The following PJVK variants were observed in gnomAD, a reference collection of about 807,000 sequenced individuals.
The protein encoded by PJVK is autosomal recessive deafness type 59 protein.
A neutral mutation model predicts 37.6 loss-of-function variants in PJVK; 33 were observed. The observed-to-expected ratio is 0.88, with a 90% CI of 0.67 to 1.17. The LOEUF is 1.17. Ranked by LOEUF, PJVK falls within the 50% of genes most tolerant of loss-of-function variation. The probability of loss-of-function intolerance (pLI) is 0.00; values close to 1 mark genes in which losing one functional copy is unlikely to be tolerated. For missense variants in PJVK, 410 were observed against 413.8 expected, an observed-to-expected ratio of 0.99 and a Z score of 0.08; for synonymous variants, 141 against 143.5, an observed-to-expected ratio of 0.98 and a Z score of 0.13.
intron 4 of PJVK, among the ~76,000 whole-genome samples, chr2:178,456,707 C>T (rs1307732182): frequency 6.6e-6 from 1 of 152,018 alleles, no homozygotes; most frequent in Non-Finnish European, 1.5e-5. Flanking sequence ...GTGGAGGTTG[C>T]AGTGAGCCGA....
intron 6 of PJVK, 119 bp downstream of exon 6, chr2:178,460,565 T>G: frequency 1.1e-6 from 1 of 948,470 alleles, no homozygotes; most frequent in Non-Finnish European, 1.6e-6. Flanking sequence ...AAAGCCTGGC[T>G]GGTATGGTGG....
Position 178,461,820 on chromosome 2 carries a change from T to A in PJVK, c.*546T>A, listed in dbSNP as rs1286502207. Among the ~76,000 whole-genome samples, 2 of 152,152 alleles carry A rather than the reference T, an allele frequency of 1.3e-5. No individual in the cohort carries two copies. The highest frequency in any genetic ancestry group is 1.3e-4 in the Admixed American group (2 of 15,272). ...GGCTGATCTTGAACTCCTGACCTTG[T>A]GATCCACTTTCCTCGGCCTCCCAAA... On this transcript the variant is annotated 3_prime_UTR_variant, in exon 7 of 7. Coordinates refer to ENST00000644580, the MANE Select transcript of PJVK (RefSeq NM_001042702.5).
chr2:178,455,307 A>G (rs1683977828), intron 3 of PJVK: 7 of 1,343,338 alleles, frequency 5.2e-6, no homozygotes, highest in African/African-American at 4.3e-5. Flanking sequence ...AAGACAATCT[A>G]TGACCAGTAA....
At chr2:178,460,683 A>T (rs1466629528) in intron 6 of PJVK, among the ~76,000 whole-genome samples, 2 of 151,982 alleles carry the variant, frequency 1.3e-5, no homozygotes, top group African/African-American at 2.4e-5. Flanking sequence ...TGTACAAAGA[A>T]TACAAAAGAA....
At chr2:178,457,607 A>G (rs563403428) in intron 4 of PJVK, among the ~76,000 whole-genome samples, 1 of 131,210 alleles carries the variant, frequency 7.6e-6, no homozygotes, top group Non-Finnish European at 1.6e-5. Flanking sequence ...GGGAAGATGT[A>G]GCAGTCTCTT....
At chr2:178,455,127 C>T (rs970820576) in intron 3 of PJVK, 19 of 1,600,318 alleles carry the variant, frequency 1.2e-5, no homozygotes, top group Middle Eastern at 1.9e-4. Context: ...GAGGAGAGCT[C>T]GTGGCTCATT....
chr2:178,461,631 C>T lies in PJVK; in HGVS notation c.*357C>T, dbSNP rs1220349196. Among the ~76,000 whole-genome samples, 1 of 147,518 alleles carries T rather than the reference C, an allele frequency of 6.8e-6. No individual in the cohort carries two copies. Among genetic ancestry groups the T allele is most frequent in the Non-Finnish European group, 1.5e-5 (1 of 67,578 alleles). ...ACAGAGCCTTGCTCCGTCACCCAGG[C>T]TGGAGTACAGTGGCATGATCTCAGC... On this transcript the variant is annotated 3_prime_UTR_variant, in exon 7 of 7. Coordinates refer to ENST00000644580, the MANE Select transcript of PJVK (RefSeq NM_001042702.5).
At chr2:178,460,294 C>A in intron 5 of PJVK, 54 bp from the exon 6 acceptor site, 2 of 1,418,932 alleles carry the variant, frequency 1.4e-6, no homozygotes, top group Non-Finnish European at 2.0e-6. Flanking sequence ...CCCCATCAAA[C>A]AATAAAATAT....
chr2:178,456,004 T>C lies in PJVK; in HGVS notation c.408-6T>C. 1 of 1,613,632 alleles carries C rather than the reference T, an allele frequency of 6.2e-7. No individual in the cohort carries two copies. Reference sequence around the variant, plus strand: ...GAGTCTTGTGAATGTATCTTCTTTATTTTAGAAAAATTAACTTTGACCACA... The same window carrying C: ...GAGTCTTGTGAATGTATCTTCTTTACTTTAGAAAAATTAACTTTGACCACA... On this transcript the variant is annotated splice_region_variant and splice_polypyrimidine_tract_variant and intron_variant, in intron 3 of 6. Transcript: ENST00000644580.
chr2:178,461,249 A>G lies in PJVK; in HGVS notation c.1034A>G (p.Asp345Gly), dbSNP rs779789403. The change falls in exon 7 of 7, where the codon GAT becomes GGT. Residue 345 changes from aspartate to glycine, a missense_variant. Transcript: ENST00000644580. Reference sequence around the variant, plus strand: ...AGACTTCATGCAGTTCCTTGTTTTGATATTTGGCACAAGAGGATGAAATAA... The same window carrying G: ...AGACTTCATGCAGTTCCTTGTTTTGGTATTTGGCACAAGAGGATGAAATAA... Reference protein sequence around the residue: ...YVRLHAVPCFDIWHKRMK With the variant: ...YVRLHAVPCFGIWHKRMK The G allele has an allele frequency of 3.7e-6, 6 of 1,614,010 alleles. No homozygotes were observed. In the African/African-American group the frequency reaches 8.0e-5, roughly 22 times the overall value.
chr2:178,455,603 C>T (rs1684007335), intron 3 of PJVK, among the ~76,000 whole-genome samples: 1 of 151,044 alleles, frequency 6.6e-6, no homozygotes, highest in African/African-American at 2.4e-5. Context: ...TTGTCCTCCC[C>T]AGTTGGCCTA....
chr2:178,458,515 C>T lies in PJVK; in HGVS notation c.555C>T (p.His185=), dbSNP rs1684270044. ...TATTTATTTATTCAATATAGTTTCACTTTATGGATGAACAGAATCCCAAGG... is the reference window on the plus strand; with the variant it reads ...TATTTATTTATTCAATATAGTTTCATTTTATGGATGAACAGAATCCCAAGG... The part of the protein sequence containing the change: ...AGIRGEAMRF[H]FMDEQNPKGR... The change falls in exon 5 of 7, where the codon CAC becomes CAT. Residue 185 remains histidine, a synonymous_variant. Transcript: ENST00000644580. The T allele has an allele frequency of 6.2e-7, 1 of 1,605,646 alleles. No homozygotes were observed. Among genetic ancestry groups the T allele is most frequent in the Non-Finnish European group, 8.5e-7 (1 of 1,172,408 alleles).
rs1336161241 is a variant in PJVK, at chr2:178,458,513, C to T, written c.553C>T (p.His185Tyr). 2 of 1,597,922 alleles carry T rather than the reference C, an allele frequency of 1.3e-6. No homozygotes were observed. The highest frequency in any genetic ancestry group is 2.7e-5 in the African/African-American group (2 of 74,526). ...AGIRGEAMRF[H>Y]FMDEQNPKGR... ...GTTATTTATTTATTCAATATAGTTT[C>T]ACTTTATGGATGAACAGAATCCCAA... Residue 185 changes from histidine to tyrosine, a missense_variant, in exon 5 of 7, where the codon CAC (histidine) becomes TAC (tyrosine). By Grantham distance (83) the His-to-Tyr change is moderately conservative. Transcript: ENST00000644580.
intron 5 of PJVK, 49 bp downstream of exon 5, chr2:178,458,676 C>A: frequency 7.4e-7 from 1 of 1,360,012 alleles, no homozygotes; most frequent in Non-Finnish European, 1.1e-6. Context: ...TTTTAAGGAG[C>A]ATTCATTAGG....
intron 1 of PJVK, chr2:178,452,555 C>G: frequency 5.1e-6 from 5 of 985,374 alleles, no homozygotes; most frequent in Non-Finnish European, 6.0e-6. Context: ...TATGGCAAAA[C>G]ATTTCAGCAC....
intron 3 of PJVK, 162 bp downstream of exon 3, chr2:178,454,689 G>C (rs1419045672): frequency 1.4e-6 from 2 of 1,472,640 alleles, no homozygotes; most frequent in African/African-American, 2.8e-5. Flanking sequence ...CTTTGAATAA[G>C]GATAGATATC....
intron 5 of PJVK, among the ~76,000 whole-genome samples, 167 bp downstream of exon 5, chr2:178,458,794 C>A (rs1225366987): frequency 6.6e-6 from 1 of 152,024 alleles, no homozygotes; most frequent in Non-Finnish European, 1.5e-5. Context: ...TGAGAAAGAC[C>A]CTCCGTTCGC....
chr2:178,457,645 TTC>T (rs1684211381), intron 4 of PJVK, among the ~76,000 whole-genome samples: 1 of 152,184 alleles, frequency 6.6e-6, no homozygotes, highest in Admixed American at 6.5e-5. Flanking sequence ...GCCTTCGGAC[TTC>T]TCTGGGGCCA....
chr2:178,458,430 A>G (rs894844532), intron 4 of PJVK, 80 bp from the exon 5 acceptor site: 33 of 1,199,954 alleles, frequency 2.8e-5, no homozygotes, highest in Admixed American at 3.8e-5. Flanking sequence ...TGGTAGGATT[A>G]TAGGAAATGT....
Sources: gnomAD v4.1 joint callset for allele counts (sites outside exome capture counted in the v4.1 genomes callset) on GRCh38, gnomAD v4.1.1 for gene constraint, MANE v1.5 for transcripts, NCBI Gene and HGNC (gene_info 2026-07-23, HGNC 2026-07-21) for gene names.